Variants in RFPL1 observed in about 807,000 individuals in gnomAD.
The protein encoded by RFPL1 is ret finger protein-like 1.
RFPL1 carries 6 observed loss-of-function variants against 9.6 expected under a neutral mutation model. The observed-to-expected ratio is 0.62, with a 90% CI of 0.34 to 1.23. RFPL1 has a LOEUF of 1.23. RFPL1 is among the 50% of genes most tolerant of loss of function. The pLI is 0.03. For missense variants in RFPL1, 352 were observed against 398.4 expected, an observed-to-expected ratio of 0.88 and a Z score of 0.99; for synonymous variants, 145 against 149.4, an observed-to-expected ratio of 0.97 and a Z score of 0.22.
chr22:29,442,204 C>A, exon 2 of RFPL1: 1 of 1,030,624 alleles, frequency 9.7e-7, no homozygotes, highest in South Asian at 2.0e-5. Context: ...TCGGTAAAAG[C>A]GTTATACAAA....
chr22:29,425,314 C>G, the RFPL1 span, among the ~76,000 whole-genome samples: 1 of 152,046 alleles, frequency 6.6e-6, no homozygotes, highest in Non-Finnish European at 1.5e-5. Flanking sequence ...GGAAGTCACG[C>G]TGAACCTTGG....
At chr22:29,396,637 G>T in the RFPL1 span, among the ~76,000 whole-genome samples, 1 of 151,966 alleles carries the variant, frequency 6.6e-6, no homozygotes, top group East Asian at 1.9e-4. Context: ...AATTTAATTT[G>T]TATTAATTAA....
the RFPL1 span, chr22:29,419,306 G>C: frequency 1.1e-6 from 1 of 881,034 alleles, no homozygotes; most frequent in South Asian, 1.4e-5. Flanking sequence ...TACCCTGGCA[G>C]GGGACAATTC....
the RFPL1 span, among the ~76,000 whole-genome samples, chr22:29,413,013 A>C: frequency 6.6e-6 from 1 of 152,056 alleles, no homozygotes; most frequent in Non-Finnish European, 1.5e-5. Context: ...AGCCCCACAC[A>C]GTGACTGGCC....
chr22:29,429,807 A>G, the RFPL1 span, among the ~76,000 whole-genome samples: 1 of 152,356 alleles, frequency 6.6e-6, no homozygotes, highest in South Asian at 2.1e-4. Flanking sequence ...ACACATAAAA[A>G]TCAGTAGCAA....
At chr22:29,398,227 T>G in the RFPL1 span, among the ~76,000 whole-genome samples, 35 of 152,146 alleles carry the variant, frequency 2.3e-4, no homozygotes, top group Non-Finnish European at 5.9e-5. Flanking sequence ...TTACCAACAG[T>G]GATCCACTGA....
At chr22:29,425,031 C>T in the RFPL1 span, among the ~76,000 whole-genome samples, 9 of 151,462 alleles carry the variant, frequency 5.9e-5, no homozygotes, top group Non-Finnish European at 8.8e-5. Context: ...AGTGAAACCC[C>T]GTCTCTACTA....
At chr22:29,431,778 C>T in the RFPL1 span, among the ~76,000 whole-genome samples, 6 of 151,956 alleles carry the variant, frequency 3.9e-5, no homozygotes, top group East Asian at 1.2e-3. Context: ...CTCCATCTCC[C>T]GGAGACGATT....
the RFPL1 span, among the ~76,000 whole-genome samples, chr22:29,423,590 C>T: frequency 8.5e-5 from 13 of 152,300 alleles, no homozygotes; most frequent in African/African-American, 3.1e-4. Context: ...GACGGGCTTA[C>T]AGCAGCCCCT....
chr22:29,420,164 A>T, the RFPL1 span, among the ~76,000 whole-genome samples: 5 of 152,304 alleles, frequency 3.3e-5, no homozygotes, highest in Non-Finnish European at 7.4e-5. Flanking sequence ...CAGCTCTGAA[A>T]ATGGGAATTC....
chr22:29,403,375 T>C, the RFPL1 span, among the ~76,000 whole-genome samples: 2 of 152,102 alleles, frequency 1.3e-5, no homozygotes, highest in Non-Finnish European at 2.9e-5. Flanking sequence ...GTAGTGAGCA[T>C]TGACAAAGAA....
At chr22:29,439,500 G>A (rs7285081) in intron 1 of RFPL1, 6,086 of 264,456 alleles carry the variant, frequency 0.023, 315 homozygotes, top group African/African-American at 0.12. Context: ...AGGCTTGGTG[G>A]TGGGTGCCTG....
intron 1 of RFPL1, chr22:29,439,514 T>C (rs1317711504): frequency 4.2e-6 from 1 of 236,286 alleles, no homozygotes; most frequent in Non-Finnish European, 8.3e-6. Flanking sequence ...GTGCCTGTAG[T>C]CCCAGCTACT....
At chr22:29,407,429 T>G in the RFPL1 span, among the ~76,000 whole-genome samples, 5 of 151,994 alleles carry the variant, frequency 3.3e-5, no homozygotes, top group Non-Finnish European at 7.4e-5. Context: ...ATTTTTAAAA[T>G]GTAACTGAGG....
upstream of RFPL1, among the ~76,000 whole-genome samples, chr22:29,434,008 C>G (rs2062796890): frequency 6.6e-6 from 1 of 151,984 alleles, no homozygotes; most frequent in South Asian, 2.1e-4. Flanking sequence ...CACTCACACA[C>G]ACACACACAC....
chr22:29,414,579 A>C, the RFPL1 span, among the ~76,000 whole-genome samples: 1 of 152,142 alleles, frequency 6.6e-6, no homozygotes, highest in Non-Finnish European at 1.5e-5. Flanking sequence ...CCTCAATTAC[A>C]GAATACTGAT....
the RFPL1 span, among the ~76,000 whole-genome samples, chr22:29,399,994 CTTTTTTTT>C: frequency 8.6e-6 from 1 of 116,276 alleles, no homozygotes; most frequent in Admixed American, 8.8e-5. Context: ...CTTTTCTTTT[CTTTTTTTT>C]TTTTTTTTTT....
the RFPL1 span, chr22:29,423,130 TTGG>T: frequency 6.7e-7 from 1 of 1,502,046 alleles, no homozygotes; most frequent in Non-Finnish European, 9.3e-7. Flanking sequence ...AATACCTTTC[TTGG>T]TCGTGGTGAA....
chr22:29,408,115 T>A, the RFPL1 span, among the ~76,000 whole-genome samples: 3 of 152,192 alleles, frequency 2.0e-5, no homozygotes, highest in Admixed American at 1.3e-4. Context: ...ACAGGGTAGA[T>A]GATCAATGTA....
Sources: allele counts gnomAD v4.1 joint callset (sites outside exome capture counted in the v4.1 genomes callset), GRCh38; gene constraint gnomAD v4.1.1; transcripts MANE v1.5; gene names NCBI Gene and HGNC (gene_info 2026-07-23, HGNC 2026-07-21).